The following NPC1 variants were observed in gnomAD, a reference collection of about 807,000 sequenced individuals.
NPC1 encodes Niemann-Pick C1 protein.
In NPC1, 85 loss-of-function variants were observed where a neutral mutation model predicts 140.4. The ratio of observed to expected loss-of-function variants is 0.61; its 90% CI spans 0.51 to 0.72. The LOEUF (loss-of-function observed/expected upper bound fraction) is 0.72, where lower values mean the gene tolerates loss of function less well. NPC1 is among the 30% of genes least tolerant of loss of function. The pLI, the probability that NPC1 is intolerant of heterozygous loss-of-function variation, is 0.00. For synonymous variants in NPC1, 656 were observed against 624.8 expected (o/e 1.05, Z -0.74); for missense variants, 1,504 against 1,623.8 (o/e 0.93, Z 1.27).
chr18:23,539,094 G>C (rs1333550546), intron 19 of NPC1, among the ~76,000 whole-genome samples: 2 of 152,168 alleles, frequency 1.3e-5, no homozygotes, highest in Non-Finnish European at 2.9e-5. Context: ...GCTGGAGTTA[G>C]AACAGGATGA....
rs754520097 is a variant in NPC1, at chr18:23,532,289, G to A, written c.3755-5C>T. 4 of 1,612,280 alleles carry A rather than the reference G, an allele frequency of 2.5e-6. No homozygotes were observed. Among genetic ancestry groups the A allele is most frequent in the Non-Finnish European group, 2.5e-6 (3 of 1,178,630 alleles). ...TGGCTTTATTTACTGATGGCCCTAT[G>A]AGAGAGAGAGACTTTTTCTTATTTC... On this transcript the variant is annotated splice_polypyrimidine_tract_variant and splice_region_variant and intron_variant, in intron 24 of 24. Transcript: ENST00000269228.
intron 11 of NPC1, 66 bp from the exon 12 acceptor site, chr18:23,545,215 C>G (rs544553817): frequency 8.2e-7 from 1 of 1,217,572 alleles, no homozygotes; most frequent in Non-Finnish European, 1.2e-6. Flanking sequence ...GAAACTTCTC[C>G]CTAACTTTCA....
chr18:23,555,832 C>T (rs1179186145), intron 8 of NPC1, among the ~76,000 whole-genome samples: 5 of 152,142 alleles, frequency 3.3e-5, no homozygotes, highest in Non-Finnish European at 2.9e-5. Context: ...TTCCTCAGCC[C>T]CCAGGACAGC....
intron 3 of NPC1, among the ~76,000 whole-genome samples, chr18:23,511,025 G>A (rs76290081): frequency 3.9e-5 from 6 of 152,228 alleles, no homozygotes; most frequent in Non-Finnish European, 8.8e-5. Flanking sequence ...GCACATGCAC[G>A]TGAATGTTCA....
At chr18:23,562,246 G>A (rs528169251) in intron 4 of NPC1, among the ~76,000 whole-genome samples, 25 of 149,780 alleles carry the variant, frequency 1.7e-4, no homozygotes, top group South Asian at 1.3e-3. Context: ...CCAAGATTGC[G>A]CCACTGCACT....
intron 3 of NPC1, among the ~76,000 whole-genome samples, chr18:23,507,456 T>C (rs913330730): frequency 2.0e-5 from 3 of 152,184 alleles, no homozygotes; most frequent in Admixed American, 2.0e-4. Context: ...ATAGAATATG[T>C]GAGGTATTTT....
intron 1 of NPC1, chr18:23,523,992 C>A: frequency 1.1e-6 from 1 of 936,660 alleles, no homozygotes; most frequent in Non-Finnish European, 1.7e-6. Flanking sequence ...TGAGACGGAA[C>A]AGTTCATTTC....
At chr18:23,526,832 C>G, downstream of NPC1, 1 of 1,568,726 alleles carries the variant, frequency 6.4e-7, no homozygotes, top group African/African-American at 1.4e-5. Context: ...CACTTTTTAT[C>G]GGGATGTGGG....
chr18:23,567,860 A>G (rs1716043925), intron 4 of NPC1, among the ~76,000 whole-genome samples: 1 of 152,240 alleles, frequency 6.6e-6, no homozygotes, highest in South Asian at 2.1e-4. Flanking sequence ...GAAATTGACC[A>G]ACTTTTTAAT....
At chr18:23,534,017 G>T in intron 23 of NPC1, 1 of 324,652 alleles carries the variant, frequency 3.1e-6, no homozygotes, top group Non-Finnish European at 5.9e-6. Flanking sequence ...ATATTTAAAA[G>T]TGTTACGAAA....
chr18:23,541,301 CT>C lies in NPC1; in HGVS notation c.2373+4del. The C allele has an allele frequency of 6.2e-7, 1 of 1,614,240 alleles. No individual in the cohort carries two copies. The highest frequency in any genetic ancestry group is 8.5e-7 in the Non-Finnish European group (1 of 1,180,048). On this transcript the variant is annotated splice_donor_region_variant and intron_variant, in intron 15 of 24. Transcript: ENST00000269228. The stretch of plus-strand genomic sequence containing the variant: ...AAATAGACTATAATCCTGGCACCAA[CT>C]TACCTCTTGACGTTTAATGTCTAAC...
In NPC1 at chr18:23,541,114, T is replaced by A; in HGVS notation, c.2468A>T (p.Asn823Ile). ...CTTTAGCAGAAGTGGAGAATAGGAG[T>A]TTTTGAAGAAGCGAAACAAACAGCT... is the stretch of plus-strand genomic sequence containing the variant. ...SESCLFRFFK[N>I]SYSPLLLKDW... is the part of the protein sequence containing the mutation. Residue 823 changes from asparagine to isoleucine, a missense_variant, in exon 16 of 25, where the codon AAC (asparagine) becomes ATC (isoleucine). Coordinates refer to ENST00000269228, the MANE Select transcript of NPC1 (RefSeq NM_000271.5). 1.2e-6 allele frequency: 2 copies of A among 1,613,830 alleles called. No individual in the cohort carries two copies. The highest frequency in any genetic ancestry group is 1.7e-6 in the Non-Finnish European group (2 of 1,179,946).
chr18:23,573,400 G>A (rs1490904872), intron 2 of NPC1, 52 bp downstream of exon 2: 6 of 1,612,292 alleles, frequency 3.7e-6, no homozygotes, highest in East Asian at 2.2e-5. Context: ...TAATTACAGA[G>A]GATCTTGTGA....
intron 3 of NPC1, among the ~76,000 whole-genome samples, chr18:23,569,220 A>G (rs2059168334): frequency 6.6e-6 from 1 of 152,252 alleles, no homozygotes; most frequent in Admixed American, 6.5e-5. Flanking sequence ...GTGTCCAATT[A>G]TAATTTCAAA....
Position 23,568,875 on chromosome 18 carries a change from C to A in NPC1, c.411G>T (p.Thr137=). Residue 137 remains threonine (T), a synonymous_variant, in exon 4 of 25, where the codon ACG becomes ACT. Coordinates refer to ENST00000269228, the MANE Select transcript of NPC1 (RefSeq NM_000271.5). The stretch of plus-strand genomic sequence containing the variant: ...ATTGTAACTCTTTCACATTTGTTTT[C>A]GTCTGGTTTGTAACAGGATCAACAT... ...EDYVDPVTNQ[T]KTNVKELQYY... 1 of 1,614,070 alleles carries A rather than the reference C, an allele frequency of 6.2e-7. No individual in the cohort carries two copies. Among genetic ancestry groups the A allele is most frequent in the African/African-American group, 1.3e-5 (1 of 75,042 alleles).
At chr18:23,571,960 AAT>A (rs1348414281) in intron 3 of NPC1, 112 bp downstream of exon 3, 6 of 492,116 alleles carry the variant, frequency 1.2e-5, no homozygotes, top group African/African-American at 9.9e-5. Flanking sequence ...ATATACATAT[AAT>A]ATAGACATAT....
chr18:23,570,341 C>T (rs548675162), intron 3 of NPC1, among the ~76,000 whole-genome samples: 4 of 152,198 alleles, frequency 2.6e-5, no homozygotes, highest in South Asian at 2.1e-4. Flanking sequence ...TGTTTATGTC[C>T]GTATGTCCAT....
chr18:23,532,796 C>A, intron 24 of NPC1: 1 of 814,256 alleles, frequency 1.2e-6, no homozygotes, highest in Non-Finnish European at 1.5e-6. Context: ...TTTTCTTAAT[C>A]TTCTACTTCA....
rs115397659 is a variant in NPC1 at position 23,561,343 on chromosome 18, G to A, written c.631+17C>T. The A allele has an allele frequency of 1.5e-4, 236 of 1,613,804 alleles. 1 individual carries two copies. The African/African-American group carries it at 3.0e-3, about 20-fold the overall frequency. ...ACAATATCATAAACACACCAAACTT[G>A]GAATCTTTATACCTACCTGAAAACA... On this transcript the variant is annotated intron_variant, in intron 5 of 24. Transcript: ENST00000269228.
Sources: allele counts gnomAD v4.1 joint callset (sites outside exome capture counted in the v4.1 genomes callset), GRCh38; gene constraint gnomAD v4.1.1; transcripts MANE v1.5; gene names NCBI Gene and HGNC (gene_info 2026-07-23, HGNC 2026-07-21).